The following ADAM12 variants were observed in gnomAD, a reference collection of about 807,000 sequenced individuals.
The protein encoded by ADAM12 is ADAM metallopeptidase domain 12, also known as disintegrin and metalloproteinase domain-containing protein 12.
In ADAM12, 70 loss-of-function variants were observed where a neutral mutation model predicts 106.4. The observed-to-expected ratio is 0.66, with a 90% CI of 0.54 to 0.80. The LOEUF is 0.80. ADAM12 is among the 30% of genes least tolerant of loss of function. The pLI, the probability that ADAM12 is intolerant of heterozygous loss-of-function variation, is 0.00. For missense variants in ADAM12, 1,010 were observed against 1,171.9 expected (o/e 0.86, Z 2.02); for synonymous variants, 420 against 433.5 (o/e 0.97, Z 0.39).
intron 11 of ADAM12, among the ~76,000 whole-genome samples, chr10:126,071,866 G>A (rs1257954170): frequency 6.6e-6 from 1 of 152,196 alleles, no homozygotes; most frequent in Non-Finnish European, 1.5e-5. Context: ...CAGTGCCAAC[G>A]CGGCTGATGA....
At chr10:126,343,781 G>GA (rs1855027765) in intron 1 of ADAM12, among the ~76,000 whole-genome samples, 1 of 152,210 alleles carries the variant, frequency 6.6e-6, no homozygotes, top group Admixed American at 6.5e-5. Context: ...GATGGCCAGT[G>GA]ATGAGGAGCA....
chr10:126,158,544 G>GA (rs1565102775), intron 3 of ADAM12, among the ~76,000 whole-genome samples: 17 of 135,032 alleles, frequency 1.3e-4, no homozygotes, highest in East Asian at 2.4e-4. Context: ...AGCACGGGGA[G>GA]GATGCACAGA....
At chr10:126,028,176 C>G (rs1242728033) in intron 21 of ADAM12, among the ~76,000 whole-genome samples, 2 of 152,070 alleles carry the variant, frequency 1.3e-5, no homozygotes, top group Non-Finnish European at 1.5e-5. Context: ...TCAAAGAAAT[C>G]AGAGGACATA....
intron 2 of ADAM12, among the ~76,000 whole-genome samples, chr10:126,292,109 C>T (rs1243062566): frequency 6.6e-6 from 1 of 152,122 alleles, no homozygotes; most frequent in Non-Finnish European, 1.5e-5. Context: ...CTCTCTTGAG[C>T]CCAGCACATG....
At chr10:126,305,570 G>A (rs146362186) in intron 2 of ADAM12, among the ~76,000 whole-genome samples, 55 of 152,170 alleles carry the variant, frequency 3.6e-4, no homozygotes, top group African/African-American at 9.1e-4. Flanking sequence ...TGACGGTTAC[G>A]TGGGTGTATA....
chr10:126,337,513 C>G (rs1404095674), intron 1 of ADAM12, among the ~76,000 whole-genome samples: 2 of 152,198 alleles, frequency 1.3e-5, no homozygotes, highest in African/African-American at 4.8e-5. Context: ...CAAGCCAGAT[C>G]ATCCCACCTT....
intron 11 of ADAM12, among the ~76,000 whole-genome samples, chr10:126,077,736 C>G (rs911658563): frequency 6.6e-6 from 1 of 152,202 alleles, no homozygotes; most frequent in South Asian, 2.1e-4. Context: ...TCACCATTTA[C>G]AAAAATTAAC....
At chr10:126,269,969 C>T in intron 3 of ADAM12, among the ~76,000 whole-genome samples, 1 of 152,112 alleles carries the variant, frequency 6.6e-6, no homozygotes, top group East Asian at 1.9e-4. Context: ...TCTTCAACGT[C>T]TATACAACTT....
chr10:126,189,582 T>C (rs1957460178), intron 3 of ADAM12, among the ~76,000 whole-genome samples: 1 of 152,196 alleles, frequency 6.6e-6, no homozygotes, highest in Non-Finnish European at 1.5e-5. Context: ...TGCATTGCCA[T>C]GTTTATGCCT....
chr10:126,192,812 A>C (rs11816710), intron 3 of ADAM12, among the ~76,000 whole-genome samples: 10,815 of 152,304 alleles, frequency 0.071, 1,156 homozygotes, highest in African/African-American at 0.23. Flanking sequence ...GCATGTGACT[A>C]TCTGGTCCTC....
At chr10:126,058,208 G>A (rs1474944603) in intron 14 of ADAM12, among the ~76,000 whole-genome samples, 1 of 152,174 alleles carries the variant, frequency 6.6e-6, no homozygotes, top group African/African-American at 2.4e-5. Flanking sequence ...TGCCTCCTGA[G>A]AGGCCCCAGG....
chr10:126,318,562 A>ACTCACACATTCT, intron 2 of ADAM12, among the ~76,000 whole-genome samples: 1 of 150,918 alleles, frequency 6.6e-6, no homozygotes, highest in East Asian at 2.0e-4. Flanking sequence ...TCACATTCAC[A>ACTCACACATTCT]CTCACACACT....
At chr10:126,318,953 G>A (rs976017825) in intron 2 of ADAM12, among the ~76,000 whole-genome samples, 22 of 152,134 alleles carry the variant, frequency 1.4e-4, no homozygotes, top group African/African-American at 3.6e-4. Flanking sequence ...AGCAGATCTC[G>A]TGAGACTTAT....
At chr10:126,307,866 T>C (rs1057083546) in intron 2 of ADAM12, among the ~76,000 whole-genome samples, 2 of 152,248 alleles carry the variant, frequency 1.3e-5, no homozygotes, top group East Asian at 3.8e-4. Context: ...GTGCTGGAAT[T>C]ACTTGCATGA....
chr10:126,028,122 A>G (rs1276520344), intron 21 of ADAM12, among the ~76,000 whole-genome samples: 1 of 152,214 alleles, frequency 6.6e-6, no homozygotes, highest in Non-Finnish European at 1.5e-5. Context: ...GAATGCAGCT[A>G]CAAGGGACAT....
chr10:126,334,370 C>CT (rs968814902), intron 1 of ADAM12, among the ~76,000 whole-genome samples: 2 of 152,120 alleles, frequency 1.3e-5, no homozygotes, highest in African/African-American at 4.8e-5. Flanking sequence ...GGGCAGGAAG[C>CT]TTTTTTGCCA....
At chr10:126,108,352 C>T (rs1565063531) in intron 8 of ADAM12, among the ~76,000 whole-genome samples, 1 of 152,094 alleles carries the variant, frequency 6.6e-6, no homozygotes, top group African/African-American at 2.4e-5. Flanking sequence ...TTCCACCTGA[C>T]CGGAAGAGAG....
intron 1 of ADAM12, among the ~76,000 whole-genome samples, chr10:126,353,790 A>G (rs1855446550): frequency 6.6e-6 from 1 of 152,330 alleles, no homozygotes; most frequent in Admixed American, 6.5e-5. Flanking sequence ...CTTAAAAAGA[A>G]GGGAAAGCTC....
chr10:126,366,926 C>G (rs1221436263), intron 1 of ADAM12, among the ~76,000 whole-genome samples: 2 of 152,006 alleles, frequency 1.3e-5, no homozygotes, highest in African/African-American at 4.8e-5. Flanking sequence ...CAAAATACAT[C>G]AAGAAGACTG....
Sources: allele counts gnomAD v4.1 joint callset (sites outside exome capture counted in the v4.1 genomes callset), GRCh38; gene constraint gnomAD v4.1.1; transcripts MANE v1.5; gene names NCBI Gene and HGNC (gene_info 2026-07-23, HGNC 2026-07-21).